The following LRRN3 variants were observed in gnomAD, a reference collection of about 807,000 sequenced individuals.
LRRN3 encodes leucine-rich repeat neuronal protein 3.
LRRN3 carries 15 observed loss-of-function variants against 40.1 expected under a neutral mutation model. The ratio of observed to expected loss-of-function variants is 0.37; its 90% CI spans 0.25 to 0.58. The LOEUF is 0.58. Among genes scored for constraint, LRRN3 ranks in the 20% least tolerant of loss-of-function variants. The pLI, the probability that LRRN3 is intolerant of heterozygous loss-of-function variation, is 0.72. For missense variants in LRRN3, 746 were observed against 837.7 expected, an observed-to-expected ratio of 0.89 and a Z score of 1.35; for synonymous variants, 308 against 297.2, an observed-to-expected ratio of 1.04 and a Z score of -0.37.
intron 1 of LRRN3, among the ~76,000 whole-genome samples, chr7:111,094,881 A>G (rs1797242657): frequency 6.6e-6 from 1 of 152,102 alleles, no homozygotes; most frequent in African/African-American, 2.4e-5. Flanking sequence ...ACGTTTTTCT[A>G]ACTTGTTGAA....
chr7:111,106,947 A>G (rs373283783), intron 2 of LRRN3, among the ~76,000 whole-genome samples: 1 of 152,084 alleles, frequency 6.6e-6, no homozygotes, highest in Non-Finnish European at 1.5e-5. Flanking sequence ...CATTTCTAAT[A>G]TGTTATGCAT....
At chr7:111,110,020 A>C (rs1799010907) in intron 2 of LRRN3, among the ~76,000 whole-genome samples, 1 of 152,178 alleles carries the variant, frequency 6.6e-6, no homozygotes, top group Admixed American at 6.5e-5. Flanking sequence ...CTGTAGTCCA[A>C]GCTACTCAGG....
At chr7:111,099,414 A>C (rs1797735791) in intron 1 of LRRN3, among the ~76,000 whole-genome samples, 1 of 151,784 alleles carries the variant, frequency 6.6e-6, no homozygotes, top group Non-Finnish European at 1.5e-5. Flanking sequence ...CTAGCCCTGC[A>C]AAGTTAATTG....
rs566024196 is a variant in LRRN3 at position 111,110,284 on chromosome 7, T to C, written c.-359+10322T>C. ...TCAAATCTTTGTTTCTCCACACAAT[T>C]GATAGGAATCAGTCATTAAAGAAAA... On this transcript the variant is annotated intron_variant, in intron 2 of 2. Coordinates refer to ENST00000308478, the MANE Select transcript of LRRN3 (RefSeq NM_001099658.2). Among the ~76,000 whole-genome samples, 9 of 152,334 alleles carry C rather than the reference T, an allele frequency of 5.9e-5. No individual in the cohort carries two copies. In the East Asian group the frequency reaches 1.7e-3, roughly 29 times the overall value.
intron 2 of LRRN3, among the ~76,000 whole-genome samples, chr7:111,106,435 A>T (rs2129581524): frequency 6.6e-6 from 1 of 151,920 alleles, no homozygotes; most frequent in South Asian, 2.1e-4. Context: ...TGGTTTTGAG[A>T]AACTCTCTAA....
intron 2 of LRRN3, among the ~76,000 whole-genome samples, chr7:111,113,530 T>C (rs757563842): frequency 6.6e-6 from 1 of 152,180 alleles, no homozygotes; most frequent in Non-Finnish European, 1.5e-5. Context: ...ATTTATTTTT[T>C]TCTTTTAACT....
At chr7:111,106,288 T>C (rs1409958706) in intron 2 of LRRN3, among the ~76,000 whole-genome samples, 1 of 151,914 alleles carries the variant, frequency 6.6e-6, no homozygotes, top group Non-Finnish European at 1.5e-5. Context: ...AAGTCATTGT[T>C]CTCCTTATTT....
At chr7:111,114,354 G>A (rs1799595062) in intron 2 of LRRN3, among the ~76,000 whole-genome samples, 3 of 152,136 alleles carry the variant, frequency 2.0e-5, no homozygotes, top group Non-Finnish European at 2.9e-5. Context: ...CACATAAAAC[G>A]TGAATAAGCA....
intron 2 of LRRN3, among the ~76,000 whole-genome samples, chr7:111,108,567 T>A (rs529838016): frequency 6.6e-6 from 1 of 152,288 alleles, no homozygotes; most frequent in East Asian, 1.9e-4. Flanking sequence ...ACAACAGATT[T>A]ATTCGAGATA....
At chr7:111,091,659 T>C (rs1563232206) in intron 1 of LRRN3, among the ~76,000 whole-genome samples, 155 bp downstream of exon 1, 1 of 152,172 alleles carries the variant, frequency 6.6e-6, no homozygotes, top group Non-Finnish European at 1.5e-5. Flanking sequence ...GAAATTCACA[T>C]GCAAAACCCA....
rs1801157753 is a variant in LRRN3 at position 111,125,122 on chromosome 7, A to G, written c.*223A>G. 1 of 432,102 alleles carries G rather than the reference A, an allele frequency of 2.3e-6. No individual in the cohort carries two copies. The highest frequency in any genetic ancestry group is 3.8e-5 in the East Asian group (1 of 26,300). 26.8% of individuals were successfully genotyped at this position (432,102 alleles called of 1,614,324 possible). A position where few individuals can be genotyped will look rare whatever the true frequency, so the allele number is the denominator to read the frequency against. ...GCTTCAAGGGGTACTGTGGCAACCA[A>G]ATAAAATAACTCCATTTTCTAAAAC... On this transcript the variant is annotated 3_prime_UTR_variant, in exon 3 of 3. Coordinates refer to ENST00000308478, the MANE Select transcript of LRRN3 (RefSeq NM_001099658.2).
At chr7:111,114,822 A>G (rs1334702303) in intron 2 of LRRN3, among the ~76,000 whole-genome samples, 3 of 152,130 alleles carry the variant, frequency 2.0e-5, no homozygotes, top group Non-Finnish European at 4.4e-5. Context: ...TACAAAAATT[A>G]TATAATAATA....
chr7:111,101,029 T>C (rs1268834444), intron 2 of LRRN3, among the ~76,000 whole-genome samples: 2 of 151,502 alleles, frequency 1.3e-5, no homozygotes, highest in African/African-American at 4.8e-5. Context: ...TCCAGAATGG[T>C]AACTCCTCCT....
chr7:111,114,994 C>T (rs910438777), intron 2 of LRRN3, among the ~76,000 whole-genome samples: 5 of 151,914 alleles, frequency 3.3e-5, no homozygotes, highest in African/African-American at 1.2e-4. Context: ...TTAATTATAA[C>T]CTGAAGCAAA....
intron 2 of LRRN3, among the ~76,000 whole-genome samples, chr7:111,112,898 G>T (rs1799409263): frequency 6.6e-6 from 1 of 152,036 alleles, no homozygotes; most frequent in African/African-American, 2.4e-5. Flanking sequence ...CTTGTTTATT[G>T]CATTTGAAAA....
intron 2 of LRRN3, among the ~76,000 whole-genome samples, chr7:111,114,789 T>G (rs958866673): frequency 1.3e-5 from 2 of 151,256 alleles, no homozygotes; most frequent in Admixed American, 1.3e-4. Context: ...ATTGAAACCA[T>G]TTTGAGAATA....
rs1053868081 is a variant in LRRN3 at position 111,125,069 on chromosome 7, T to G, written c.*170T>G. 3.8e-6 allele frequency: 2 copies of G among 532,384 alleles called. No individual in the cohort carries two copies. The highest frequency in any genetic ancestry group is 6.6e-6 in the Non-Finnish European group (2 of 301,686). The allele number at this position is 532,384 out of a possible 1,614,324, so 33.0% of individuals were successfully genotyped here. On this transcript the variant is annotated 3_prime_UTR_variant, in exon 3 of 3. Transcript: ENST00000308478. ...ATGCTGCTCCTGACCAATGGAAATATGTACAACTTCAGCATTTTAAGTAAC... is the reference window on the plus strand; with the variant it reads ...ATGCTGCTCCTGACCAATGGAAATAGGTACAACTTCAGCATTTTAAGTAAC...
intron 1 of LRRN3, among the ~76,000 whole-genome samples, chr7:111,093,789 G>A (rs1274543943): frequency 6.6e-6 from 1 of 152,110 alleles, no homozygotes; most frequent in Non-Finnish European, 1.5e-5. Context: ...GTGTATGACT[G>A]GAAGATTTAC....
chr7:111,111,993 G>A (rs1284757835), intron 2 of LRRN3, among the ~76,000 whole-genome samples: 1 of 133,366 alleles, frequency 7.5e-6, no homozygotes, highest in Non-Finnish European at 1.5e-5. Flanking sequence ...TGTCTCCCAG[G>A]CTGGAGTGCA....
Sources: gnomAD v4.1 joint callset for allele counts (sites outside exome capture counted in the v4.1 genomes callset) on GRCh38, gnomAD v4.1.1 for gene constraint, MANE v1.5 for transcripts, NCBI Gene and HGNC (gene_info 2026-07-23, HGNC 2026-07-21) for gene names.